NOL10: variants seen among roughly 807,000 people sequenced by gnomAD.
NOL10 encodes nucleolar protein 10, also known as H_NH0074G24.1.
Under a neutral mutation model 103.5 loss-of-function variants are expected in NOL10, and 58 were observed. The observed-to-expected ratio is 0.56, with a 90% confidence interval of 0.45 to 0.70. The LOEUF (loss-of-function observed/expected upper bound fraction) is 0.70, where lower values mean the gene tolerates loss of function less well. Among genes scored for constraint, NOL10 ranks in the 30% least tolerant of loss-of-function variants. The pLI is 0.00. For missense variants in NOL10, 763 were observed against 807.3 expected, an observed-to-expected ratio of 0.95 and a Z score of 0.67; for synonymous variants, 287 against 282.5, an observed-to-expected ratio of 1.02 and a Z score of -0.16.
intron 13 of NOL10, among the ~76,000 whole-genome samples, chr2:10,631,900 G>C (rs1677873516): frequency 6.6e-6 from 1 of 152,136 alleles, no homozygotes; most frequent in South Asian, 2.1e-4. Flanking sequence ...TTTTAGTAGA[G>C]ACGGGGTTTC....
intron 4 of NOL10, among the ~76,000 whole-genome samples, chr2:10,674,143 G>A (rs1681134137): frequency 6.6e-6 from 1 of 151,760 alleles, no homozygotes; most frequent in South Asian, 2.1e-4. Flanking sequence ...TCTTGAGCCT[G>A]GGTAGTTGAG....
rs781463767 is a variant in NOL10, at chr2:10,603,205, T to G, written c.1154-48A>C. ...CAGCAGGTCCTTATGCAATCTTCAT[T>G]AACATTCAACAGTTTTTCTTGGGCA... On this transcript the variant is annotated intron_variant, in intron 14 of 20. Transcript: ENST00000381685. 28 of 1,369,390 alleles carry G rather than the reference T, an allele frequency of 2.0e-5. 1 individual carries two copies. The South Asian group carries it at 3.5e-4, about 17-fold the overall frequency. The allele number at this position is 1,369,390 out of a possible 1,614,324, so 84.8% of individuals were successfully genotyped here. A position where few individuals can be genotyped will look rare whatever the true frequency, so the allele number is the denominator to read the frequency against.
At chr2:10,622,187 A>G (rs781128607) in intron 13 of NOL10, 3 of 470,980 alleles carry the variant, frequency 6.4e-6, no homozygotes, top group South Asian at 3.1e-5. Flanking sequence ...AACACAGGAA[A>G]CTATGTAAAT....
intron 13 of NOL10, among the ~76,000 whole-genome samples, chr2:10,614,196 G>A (rs970035481): frequency 6.6e-6 from 1 of 152,114 alleles, no homozygotes; most frequent in African/African-American, 2.4e-5. Flanking sequence ...CTGACCTCGG[G>A]TGATCCGCTC....
At chr2:10,678,115 C>G (rs1271492501) in intron 3 of NOL10, among the ~76,000 whole-genome samples, 3 of 151,252 alleles carry the variant, frequency 2.0e-5, no homozygotes. Context: ...GTGGTGCAAT[C>G]ATAGCTCACT....
intron 9 of NOL10, among the ~76,000 whole-genome samples, chr2:10,660,042 A>G (rs1680093656): frequency 6.6e-6 from 1 of 152,182 alleles, no homozygotes; most frequent in Non-Finnish European, 1.5e-5. Context: ...TCCAGTGGAA[A>G]GAGTGCTAGG....
chr2:10,596,303 C>T (rs1053093784), intron 17 of NOL10, among the ~76,000 whole-genome samples: 219 of 148,890 alleles, frequency 1.5e-3, no homozygotes, highest in African/African-American at 5.2e-3. Flanking sequence ...GATTCAAGCG[C>T]ATTACATTTA....
At chr2:10,652,000 G>A (rs1679494919) in intron 12 of NOL10, among the ~76,000 whole-genome samples, 1 of 152,160 alleles carries the variant, frequency 6.6e-6, no homozygotes, top group Non-Finnish European at 1.5e-5. Flanking sequence ...CCAGCACTTA[G>A]GGAGGCTGAG....
rs117877061 is a variant in NOL10 at position 10,583,166 on chromosome 2, C to T, written c.1845-5428G>A. 3.2e-3 allele frequency among the ~76,000 whole-genome samples: 486 copies of T among 152,328 alleles called. 4 individuals are homozygous for T. The highest frequency in any genetic ancestry group is 5.8e-3 in the East Asian group (30 of 5,188). On this transcript the variant is annotated intron_variant, in intron 19 of 20. Coordinates refer to ENST00000381685, the MANE Select transcript of NOL10 (RefSeq NM_024894.4). ...TTGACAACTCCAGTATCTTTACTGT[C>T]CATCTTCTCCTCTGTCTGCTTTCTA...
chr2:10,609,660 G>T (rs920370317), intron 13 of NOL10, among the ~76,000 whole-genome samples: 1 of 152,064 alleles, frequency 6.6e-6, no homozygotes, highest in Admixed American at 6.5e-5. Context: ...AAAATCACAG[G>T]CATCTTCTGA....
chr2:10,688,691 C>T (rs935996896), intron 1 of NOL10, among the ~76,000 whole-genome samples: 1 of 152,200 alleles, frequency 6.6e-6, no homozygotes, highest in Non-Finnish European at 1.5e-5. Flanking sequence ...TTGTTTATTT[C>T]CCTTTTCCCC....
chr2:10,599,673 A>C (rs1675872197), intron 17 of NOL10, among the ~76,000 whole-genome samples: 1 of 152,198 alleles, frequency 6.6e-6, no homozygotes, highest in Non-Finnish European at 1.5e-5. Flanking sequence ...AATATACTAA[A>C]AGAATGTAAT....
chr2:10,622,921 T>C (rs1677231491), intron 13 of NOL10, among the ~76,000 whole-genome samples: 1 of 152,088 alleles, frequency 6.6e-6, no homozygotes, highest in Non-Finnish European at 1.5e-5. Context: ...CCTCTGTGAA[T>C]GGTACCACTG....
In NOL10 at chr2:10,674,667, T is replaced by C. The variant is rs187482018; in HGVS notation, c.290-1110A>G. 9.4e-4 allele frequency among the ~76,000 whole-genome samples: 142 copies of C among 151,796 alleles called. 1 individual carries two copies. The highest frequency in any genetic ancestry group is 3.4e-3 in the African/African-American group (140 of 41,384). ...AGCCTGACCAACATGGTGAAACCCA[T>C]CTCTACTAAAAATACCAAAATTAGC... On this transcript the variant is annotated intron_variant, in intron 4 of 20. Transcript: ENST00000381685.
intron 13 of NOL10, among the ~76,000 whole-genome samples, chr2:10,612,833 C>G (rs1366595046): frequency 6.6e-6 from 1 of 151,834 alleles, no homozygotes; most frequent in African/African-American, 2.4e-5. Context: ...TGTAGTGAGG[C>G]CTTGTCTCTA....
chr2:10,666,843 C>G (rs1168312043), intron 8 of NOL10, among the ~76,000 whole-genome samples: 23 of 152,122 alleles, frequency 1.5e-4, no homozygotes, highest in Admixed American at 1.4e-3. Context: ...CTACTCCAAA[C>G]CATTCAAGTG....
intron 13 of NOL10, among the ~76,000 whole-genome samples, chr2:10,629,039 G>GT (rs1430370656): frequency 2.0e-5 from 3 of 152,028 alleles, no homozygotes; most frequent in African/African-American, 7.2e-5. Context: ...GGACAGCCAC[G>GT]TAAGTGAAAC....
At chr2:10,627,879 CT>C (rs1482281492) in intron 13 of NOL10, among the ~76,000 whole-genome samples, 1 of 151,530 alleles carries the variant, frequency 6.6e-6, no homozygotes, top group South Asian at 2.1e-4. Flanking sequence ...CATGTACCCC[CT>C]GAATCTAAAA....
chr2:10,603,290 A>G (rs960105146), intron 14 of NOL10, 133 bp from the exon 15 acceptor site: 15 of 647,984 alleles, frequency 2.3e-5, no homozygotes, highest in Non-Finnish European at 3.3e-5. Flanking sequence ...AGAATTACTA[A>G]TCTTCTTTGA....
Sources: gnomAD v4.1 joint callset for allele counts (sites outside exome capture counted in the v4.1 genomes callset) on GRCh38, gnomAD v4.1.1 for gene constraint, MANE v1.5 for transcripts, NCBI Gene and HGNC (gene_info 2026-07-23, HGNC 2026-07-21) for gene names.